Variants in CYS1 observed in about 807,000 individuals in gnomAD.
CYS1 encodes the protein cystin-1.
In CYS1, 5 loss-of-function variants were observed where a neutral mutation model predicts 9.6. That is an observed-to-expected ratio of 0.52 (90% CI 0.27 to 1.10). CYS1 has a LOEUF of 1.10. CYS1 is among the 50% of genes least tolerant of loss of function. The probability of loss-of-function intolerance (pLI) is 0.11; values close to 1 mark genes in which losing one functional copy is unlikely to be tolerated. For missense variants in CYS1, 221 were observed against 207.9 expected (o/e 1.06, Z -0.39); for synonymous variants, 88 against 95.7 (o/e 0.92, Z 0.47).
rs1159865282 is a variant in CYS1, at chr2:10,071,508, G to C, written c.319-5552C>G. Among the ~76,000 whole-genome samples the C allele has an allele frequency of 2.6e-5, 4 of 152,262 alleles. No individual in the cohort carries two copies. In the East Asian group the frequency reaches 7.7e-4, roughly 29 times the overall value. The stretch of plus-strand genomic sequence containing the variant: ...GCGTGAACGGCCCCCCAGAGCGGAC[G>C]CAGGAGGAAGCAATTTCCCCAATGG... On this transcript the variant is annotated intron_variant, in intron 1 of 2. Coordinates refer to ENST00000381813, the MANE Select transcript of CYS1 (RefSeq NM_001037160.3).
intron 1 of CYS1, among the ~76,000 whole-genome samples, chr2:10,071,218 C>G (rs543339390): frequency 6.6e-6 from 1 of 152,200 alleles, no homozygotes; most frequent in Non-Finnish European, 1.5e-5. Flanking sequence ...CCACCGGCCT[C>G]GGCCTCCCAA....
chr2:10,073,777 T>A (rs1030800571), intron 1 of CYS1, among the ~76,000 whole-genome samples: 4 of 152,164 alleles, frequency 2.6e-5, no homozygotes, highest in Non-Finnish European at 5.9e-5. Context: ...GAAGAGTGCA[T>A]GAGCCGACAT....
chr2:10,080,240 C>A lies in CYS1; in HGVS notation c.-17G>T. On this transcript the variant is annotated 5_prime_UTR_variant, in exon 1 of 3. An upstream open reading frame in the 5' UTR gains an earlier in-frame stop. Coordinates refer to ENST00000381813, the MANE Select transcript of CYS1 (RefSeq NM_001037160.3). This position sits in a 1 kb window ranked among gnomAD's most constrained non-coding sequence, Gnocchi z 6.4. ...GCTGCCCATGGCGCGCCCGCCGCCT[C>A]CCGGACCGCCGAGGGGGCCCCCATG... The A allele has an allele frequency of 9.6e-7, 1 of 1,043,600 alleles. No homozygotes were observed. Among genetic ancestry groups the A allele is most frequent in the Non-Finnish European group, 1.1e-6 (1 of 871,194 alleles). The allele number at this position is 1,043,600 out of a possible 1,614,324, so 64.6% of individuals were successfully genotyped here.
In CYS1 at chr2:10,060,794, G is replaced by A. The variant is rs182669681; in HGVS notation, c.372-1836C>T. On this transcript the variant is annotated intron_variant, in intron 2 of 2. Coordinates refer to ENST00000381813, the MANE Select transcript of CYS1 (RefSeq NM_001037160.3). ...GGGCAAGGCATGTACCAGGCCTCAC[G>A]CCCCTGTGGATAAAACCCAGCAGCT... Among the ~76,000 whole-genome samples, 218 of 152,328 alleles carry A rather than the reference G, an allele frequency of 1.4e-3. 3 individuals are homozygous for A. Among genetic ancestry groups the A allele is most frequent in the Non-Finnish European group, 1.2e-4 (8 of 68,022 alleles).
rs1661648725 is a variant in CYS1, at chr2:10,063,005, C to G, written c.371+2899G>C. ...GGTCAGGATGGCCCAGCCAAAAGCTCAGGGAAGCAGCGACTTCCTCCCGCA... is the reference window on the plus strand; with the variant it reads ...GGTCAGGATGGCCCAGCCAAAAGCTGAGGGAAGCAGCGACTTCCTCCCGCA... On this transcript the variant is annotated intron_variant, in intron 2 of 2. Coordinates refer to ENST00000381813, the MANE Select transcript of CYS1 (RefSeq NM_001037160.3). The surrounding 1 kb of genome is among the most constrained non-coding windows in gnomAD (Gnocchi z 4.2). Among the ~76,000 whole-genome samples, 1 of 152,234 alleles carries G rather than the reference C, an allele frequency of 6.6e-6. No individual in the cohort carries two copies.
At chr2:10,059,108 A>G (rs1661592011) in intron 2 of CYS1, 150 bp from the exon 3 acceptor site, 1 of 682,450 alleles carries the variant, frequency 1.5e-6, no homozygotes, top group Admixed American at 2.4e-5. Context: ...GCTCTCGCCC[A>G]GCACATATCC....
In CYS1 at chr2:10,058,818, C is replaced by T. The variant is rs1293722323; in HGVS notation, c.*35G>A. The T allele has an allele frequency of 6.6e-7, 1 of 1,517,416 alleles. No individual in the cohort carries two copies. Among genetic ancestry groups the T allele is most frequent in the Admixed American group, 2.0e-5 (1 of 50,414 alleles). 94.0% of individuals were successfully genotyped at this position (1,517,416 alleles called of 1,614,324 possible). On this transcript the variant is annotated 3_prime_UTR_variant, in exon 3 of 3. Transcript: ENST00000381813. ...CAGAGGGTGCCCCAGCCAGCAGGTG[C>T]CTCCGAGGCCTGGCGGGGGTGGAGC...
At chr2:10,068,985 C>A (rs13386366) in intron 1 of CYS1, among the ~76,000 whole-genome samples, 2 of 152,038 alleles carry the variant, frequency 1.3e-5, no homozygotes, top group African/African-American at 4.8e-5. Context: ...TTGCTTGAAC[C>A]CAGGAAGCAG....
In CYS1 at chr2:10,058,832, C is replaced by T; in HGVS notation, c.*21G>A. The T allele has an allele frequency of 5.8e-6, 9 of 1,539,190 alleles. No individual in the cohort carries two copies. The highest frequency in any genetic ancestry group is 6.1e-6 in the Non-Finnish European group (7 of 1,139,132). The stretch of plus-strand genomic sequence containing the variant: ...GCCAGCAGGTGCCTCCGAGGCCTGG[C>T]GGGGGTGGAGCATGCTGTCCTCAGC... On this transcript the variant is annotated 3_prime_UTR_variant, in exon 3 of 3. Coordinates refer to ENST00000381813, the MANE Select transcript of CYS1 (RefSeq NM_001037160.3).
intron 1 of CYS1, among the ~76,000 whole-genome samples, chr2:10,068,081 C>T (rs1661719612): frequency 3.3e-5 from 5 of 152,232 alleles, no homozygotes; most frequent in Admixed American, 3.3e-4. Flanking sequence ...CTCTCTCCAT[C>T]TCACTGATCC....
intron 1 of CYS1, among the ~76,000 whole-genome samples, chr2:10,075,882 C>T (rs4072565): frequency 0.22 from 32,948 of 152,176 alleles, 4,077 homozygotes; most frequent in South Asian, 0.33. Flanking sequence ...GAATTACCAC[C>T]TGCTAATAAA....
At position 10,063,130 on chromosome 2, in the gene CYS1, C is replaced by A. The variant is rs933665756; in HGVS notation, c.371+2774G>T. ...GGGGTCAAGGCCCACACGCCCCAGG[C>A]TGACATTAAACAATCCTGTCAATAA... On this transcript the variant is annotated intron_variant, in intron 2 of 2. Transcript: ENST00000381813. This position sits in a 1 kb window ranked among gnomAD's most constrained non-coding sequence, Gnocchi z 4.2. Among the ~76,000 whole-genome samples the A allele has an allele frequency of 6.6e-6, 1 of 152,234 alleles. No homozygotes were observed. The highest frequency in any genetic ancestry group is 2.4e-5 in the African/African-American group (1 of 41,454).
intron 1 of CYS1, among the ~76,000 whole-genome samples, chr2:10,073,168 T>G (rs1661795276): frequency 6.8e-6 from 1 of 147,342 alleles, no homozygotes; most frequent in Admixed American, 7.0e-5. Flanking sequence ...CTGTCTTGCA[T>G]GGCTAACATG....
At chr2:10,071,022 A>G (rs1395311023) in intron 1 of CYS1, among the ~76,000 whole-genome samples, 1 of 146,212 alleles carries the variant, frequency 6.8e-6, no homozygotes, top group Admixed American at 6.8e-5. Flanking sequence ...GCTGGAGTGC[A>G]GTGGCGTGAT....
rs1661568867 is a variant in CYS1 at position 10,057,644 on chromosome 2, T to G, written c.*1209A>C. 1.3e-5 allele frequency: 2 copies of G among 152,592 alleles called. No individual in the cohort carries two copies. The highest frequency in any genetic ancestry group is 1.3e-4 in the Admixed American group (2 of 15,276). 9.5% of individuals were successfully genotyped at this position (152,592 alleles called of 1,614,324 possible). On this transcript the variant is annotated 3_prime_UTR_variant, in exon 3 of 3. Coordinates refer to ENST00000381813, the MANE Select transcript of CYS1 (RefSeq NM_001037160.3). ...TTCCCCCTCTATCTCCTTCTTTCCCTTCTGTCTCCTCCTTCCCCCTCTGTC... is the reference window on the plus strand; with the variant it reads ...TTCCCCCTCTATCTCCTTCTTTCCCGTCTGTCTCCTCCTTCCCCCTCTGTC...
intron 1 of CYS1, among the ~76,000 whole-genome samples, chr2:10,075,269 TG>T (rs1661827966): frequency 6.6e-6 from 1 of 152,212 alleles, no homozygotes; most frequent in Non-Finnish European, 1.5e-5. Flanking sequence ...CTGCCTCGGG[TG>T]GGATTCCCAC....
intron 1 of CYS1, among the ~76,000 whole-genome samples, chr2:10,067,267 C>A (rs1661710330): frequency 6.6e-6 from 1 of 152,188 alleles, no homozygotes; most frequent in South Asian, 2.1e-4. Flanking sequence ...ATCTGCCCAC[C>A]TCAGCCTCCC....
chr2:10,079,840 CG>C, intron 1 of CYS1, 65 bp downstream of exon 1: 1 of 974,122 alleles, frequency 1.0e-6, no homozygotes. Context: ...AGGGCTGGGG[CG>C]GGGACGCGCG....
At chr2:10,062,026 T>C (rs193029456) in intron 2 of CYS1, among the ~76,000 whole-genome samples, 4 of 152,132 alleles carry the variant, frequency 2.6e-5, no homozygotes, top group African/African-American at 7.2e-5. Context: ...TTTTTTTTTT[T>C]AGACAGGATC....
Sources: allele counts gnomAD v4.1 joint callset (sites outside exome capture counted in the v4.1 genomes callset), GRCh38; gene constraint gnomAD v4.1.1; non-coding constraint Gnocchi (gnomAD v3.1); transcripts MANE v1.5; gene names NCBI Gene and HGNC (gene_info 2026-07-23, HGNC 2026-07-21).